The following CA13 variants were observed in gnomAD, a reference collection of about 807,000 sequenced individuals.
The protein encoded by CA13 is CA-XIII.
CA13 carries 21 observed loss-of-function variants against 31.5 expected under a neutral mutation model. The observed-to-expected ratio is 0.67, with a 90% CI of 0.47 to 0.96. The LOEUF (loss-of-function observed/expected upper bound fraction) is 0.96, where lower values mean the gene tolerates loss of function less well. Ranked by LOEUF, CA13 falls within the 40% of genes least tolerant of loss-of-function variation. The probability of loss-of-function intolerance (pLI) is 0.00; values close to 1 mark genes in which losing one functional copy is unlikely to be tolerated. For missense variants in CA13, 315 were observed against 318.9 expected, an observed-to-expected ratio of 0.99 and a Z score of 0.09; for synonymous variants, 117 against 111.4, an observed-to-expected ratio of 1.05 and a Z score of -0.32.
rs1371739064 is a variant in CA13, at chr8:85,266,610, C to G, written c.357C>G (p.Leu119=). ...IVDGVSYAAE[L]HVVHWNSDKY... ...TATGTTGTATATCTCCCTTTCAGCT[C>G]CATGTTGTTCACTGGAATTCAGACA... Residue 119 remains leucine, a splice_region_variant and synonymous_variant, in exon 4 of 7, where the codon CTC becomes CTG. Coordinates refer to ENST00000321764, the MANE Select transcript of CA13 (RefSeq NM_198584.3). 1 of 1,612,778 alleles carries G rather than the reference C, an allele frequency of 6.2e-7. No individual in the cohort carries two copies. Among genetic ancestry groups the G allele is most frequent in the East Asian group, 2.2e-5 (1 of 44,872 alleles).
chr8:85,272,499 A>G (rs1380497463), intron 6 of CA13, among the ~76,000 whole-genome samples: 1 of 152,010 alleles, frequency 6.6e-6, no homozygotes, highest in East Asian at 1.9e-4. Context: ...CAAGTGATCT[A>G]CCCATCTTAG....
chr8:85,278,926 A>G (rs1807659002), intron 6 of CA13, among the ~76,000 whole-genome samples: 1 of 152,142 alleles, frequency 6.6e-6, no homozygotes, highest in African/African-American at 2.4e-5. Flanking sequence ...TATTATTGAC[A>G]GGGGTATTTT....
intron 1 of CA13, among the ~76,000 whole-genome samples, chr8:85,249,084 T>C (rs1294352911): frequency 6.6e-6 from 1 of 152,240 alleles, no homozygotes; most frequent in East Asian, 1.9e-4. Context: ...ATGACATCTT[T>C]TAAGCTGAGT....
At chr8:85,277,312 G>A (rs1397390598) in intron 6 of CA13, among the ~76,000 whole-genome samples, 3 of 151,604 alleles carry the variant, frequency 2.0e-5, no homozygotes, top group Non-Finnish European at 4.4e-5. Context: ...AACCCACCGG[G>A]AGGAGCGAAC....
intron 6 of CA13, among the ~76,000 whole-genome samples, chr8:85,279,331 A>G (rs1229759237): frequency 6.6e-6 from 1 of 152,204 alleles, no homozygotes; most frequent in Non-Finnish European, 1.5e-5. Context: ...AGGGATGTGC[A>G]TTTTAAGGCC....
rs558761437 is a variant in CA13 at position 85,277,057 on chromosome 8, C to T, written c.670-4173C>T. The stretch of plus-strand genomic sequence containing the variant: ...CAGCGCCCTGTCAAAATAGACCACT[C>T]GGCTCTCTGTAAAATGGACCAATCA... On this transcript the variant is annotated intron_variant, in intron 6 of 6. Coordinates refer to ENST00000321764, the MANE Select transcript of CA13 (RefSeq NM_198584.3). Among the ~76,000 whole-genome samples, 6 of 152,280 alleles carry T rather than the reference C, an allele frequency of 3.9e-5. No individual in the cohort carries two copies. The South Asian group carries it at 8.3e-4, about 21-fold the overall frequency.
intron 4 of CA13, 24 bp downstream of exon 4, chr8:85,266,727 T>C (rs769501413): frequency 6.4e-7 from 1 of 1,558,430 alleles, no homozygotes; most frequent in Admixed American, 1.7e-5. Context: ...GTTTTCATTT[T>C]AAATGATCAG....
At chr8:85,269,569 GT>G (rs1334834122) in intron 6 of CA13, among the ~76,000 whole-genome samples, 1 of 152,186 alleles carries the variant, frequency 6.6e-6, no homozygotes, top group East Asian at 1.9e-4. Flanking sequence ...TTTGGCATTT[GT>G]TGACAAAAAC....
In CA13 at chr8:85,245,533, C is replaced by T. The variant is rs76559906; in HGVS notation, c.-296C>T. ...ACTCCTCAGAAGGCAGGAGATCCCC[C>T]CCGGAAACCTTTCTCTCTCCGTCTC... is the stretch of plus-strand genomic sequence containing the variant. On this transcript the variant is annotated 5_prime_UTR_variant, in exon 1 of 7. Coordinates refer to ENST00000321764, the MANE Select transcript of CA13 (RefSeq NM_198584.3). 2.5e-3 allele frequency: 1,075 copies of T among 425,420 alleles called. 22 individuals are homozygous for T. The East Asian group carries it at 0.042, about 16-fold the overall frequency. 26.4% of individuals were successfully genotyped at this position (425,420 alleles called of 1,614,324 possible).
In CA13 at chr8:85,250,889, A is replaced by G; in HGVS notation, c.187A>G (p.Ser63Gly). The G allele has an allele frequency of 6.2e-7, 1 of 1,614,056 alleles. No homozygotes were observed. The highest frequency in any genetic ancestry group is 1.3e-5 in the African/African-American group (1 of 75,002). ...DPSSAKIISNSGHSFNVDFDD... is the reference protein window; with the variant it reads ...DPSSAKIISNGGHSFNVDFDD... ...AAGCTCAGCTAAAATCATCAGCAAC[A>G]GCGGCCATTCCTTCAATGTTGACTT... The change falls in exon 2 of 7, where the codon AGC becomes GGC. Residue 63 changes from serine (S) to glycine (G), a missense_variant. Ser to Gly is a moderately conservative substitution (Grantham distance 56, BLOSUM62 0). Transcript: ENST00000321764.
At chr8:85,248,607 G>A (rs1307280965) in intron 1 of CA13, among the ~76,000 whole-genome samples, 1 of 152,134 alleles carries the variant, frequency 6.6e-6, no homozygotes, top group East Asian at 1.9e-4. Context: ...GAGGAGAGGA[G>A]GAAATTTTTT....
intron 2 of CA13, among the ~76,000 whole-genome samples, chr8:85,251,614 C>A (rs1813830157): frequency 1.4e-5 from 1 of 69,748 alleles, no homozygotes; most frequent in Non-Finnish European, 2.9e-5. Context: ...ATTTGCAAAC[C>A]TATAATGCCA....
intron 1 of CA13, among the ~76,000 whole-genome samples, chr8:85,248,233 G>A (rs1234388662): frequency 6.6e-6 from 1 of 152,104 alleles, no homozygotes; most frequent in Non-Finnish European, 1.5e-5. Flanking sequence ...CAAGGTGGGT[G>A]GATCACCTGA....
At chr8:85,277,217 A>G (rs1305830963) in intron 6 of CA13, among the ~76,000 whole-genome samples, 1 of 151,718 alleles carries the variant, frequency 6.6e-6, no homozygotes, top group East Asian at 1.9e-4. Context: ...GCTGCTGCTC[A>G]CTCTTTGGGT....
At position 85,245,926 on chromosome 8, in the gene CA13, C is replaced by T. The variant is rs893727860; in HGVS notation, c.37+61C>T. On this transcript the variant is annotated intron_variant, in intron 1 of 6. Transcript: ENST00000321764. The stretch of plus-strand genomic sequence containing the variant: ...GCGGGGGACGAGAGGACTAGCGCGA[C>T]GCCCCGGCGCTCGCTGACCACACAC... The T allele has an allele frequency of 2.5e-6, 4 of 1,589,448 alleles. No homozygotes were observed. In the African/African-American group the frequency reaches 5.4e-5, roughly 21 times the overall value.
chr8:85,276,255 T>TC (rs1026955446), intron 6 of CA13, among the ~76,000 whole-genome samples: 126 of 151,902 alleles, frequency 8.3e-4, no homozygotes, highest in African/African-American at 1.4e-3. Flanking sequence ...GCTGCCTTCC[T>TC]CCCCCCGGGG....
In CA13 at chr8:85,245,758, G is replaced by A. The variant is rs1360408537; in HGVS notation, c.-71G>A. On this transcript the variant is annotated 5_prime_UTR_variant, in exon 1 of 7. Transcript: ENST00000321764. The stretch of plus-strand genomic sequence containing the variant: ...TCCCGCCCTAGCAGGCTCCTTCCCG[G>A]GCCCCTCCCCGCTCCCTCCTCTTTC... The A allele has an allele frequency of 1.3e-6, 2 of 1,569,704 alleles. No homozygotes were observed. The highest frequency in any genetic ancestry group is 1.4e-5 in the African/African-American group (1 of 73,886).
chr8:85,260,209 G>T (rs1807357395), intron 3 of CA13, among the ~76,000 whole-genome samples: 1 of 151,980 alleles, frequency 6.6e-6, no homozygotes, highest in African/African-American at 2.4e-5. Context: ...GCAGGATCTG[G>T]ATTAAAAAAT....
At chr8:85,264,262 C>CAT (rs1807425837) in intron 3 of CA13, among the ~76,000 whole-genome samples, 3 of 152,154 alleles carry the variant, frequency 2.0e-5, no homozygotes, top group Admixed American at 2.0e-4. Flanking sequence ...TAGTATTTGG[C>CAT]AGTATATTTT....
Sources: gnomAD v4.1 joint callset for allele counts (sites outside exome capture counted in the v4.1 genomes callset) on GRCh38, gnomAD v4.1.1 for gene constraint, MANE v1.5 for transcripts, NCBI Gene and HGNC (gene_info 2026-07-23, HGNC 2026-07-21) for gene names.